The following ELAVL4 variants were observed in gnomAD, a reference collection of about 807,000 sequenced individuals.
ELAVL4 encodes ELAV like RNA binding protein 4.
ELAVL4 carries 1 observed loss-of-function variant against 35.6 expected under a neutral mutation model. The observed-to-expected ratio is 0.03, with a 90% CI of 0.01 to 0.13. The LOEUF (loss-of-function observed/expected upper bound fraction) is 0.13, where lower values mean the gene tolerates loss of function less well. Among genes scored for constraint, ELAVL4 ranks in the 10% least tolerant of loss-of-function variants. ELAVL4 has a pLI of 1.00. For synonymous variants in ELAVL4, 156 were observed against 171.0 expected (o/e 0.91, Z 0.69); for missense variants, 267 against 464.9 (o/e 0.57, Z 3.91).
chr1:50,172,049 AG>A (rs761721778), intron 2 of ELAVL4, among the ~76,000 whole-genome samples: 1 of 152,170 alleles, frequency 6.6e-6, no homozygotes, highest in Non-Finnish European at 1.5e-5. Context: ...TTTGTAGATG[AG>A]GGGAGTAACT....
At chr1:50,120,064 T>C (rs867975405) in intron 1 of ELAVL4, among the ~76,000 whole-genome samples, 37 of 151,290 alleles carry the variant, frequency 2.4e-4, no homozygotes, top group Middle Eastern at 3.4e-3. Flanking sequence ...TCAACAAATA[T>C]ATATATATAT....
chr1:50,178,535 C>T (rs1008068755), intron 3 of ELAVL4, among the ~76,000 whole-genome samples: 19 of 152,206 alleles, frequency 1.2e-4, no homozygotes, highest in African/African-American at 4.3e-4. Context: ...TCCCTGATCT[C>T]ATACAGCCTG....
intron 1 of ELAVL4, among the ~76,000 whole-genome samples, chr1:50,080,751 C>A (rs117965580): frequency 6.6e-6 from 1 of 152,168 alleles, no homozygotes; most frequent in African/African-American, 2.4e-5. Flanking sequence ...CTCCACTGGA[C>A]AGCCTTCCCT....
At chr1:50,116,397 TGTGTGTGTGTGTGTGC>T (rs1667948563) in intron 1 of ELAVL4, among the ~76,000 whole-genome samples, 1 of 107,214 alleles carries the variant, frequency 9.3e-6, no homozygotes, top group African/African-American at 5.2e-5. Context: ...AATACTGTGG[TGTGTGTGTGTGTGTGC>T]GTGTGTGTGT....
intron 1 of ELAVL4, among the ~76,000 whole-genome samples, chr1:50,066,812 G>A (rs1425330033): frequency 2.0e-5 from 3 of 152,058 alleles, no homozygotes; most frequent in African/African-American, 7.2e-5. Context: ...AGGTCAGTAG[G>A]TAGGGTCCTG....
chr1:50,138,933 G>A (rs1308073989), intron 1 of ELAVL4, among the ~76,000 whole-genome samples: 2 of 152,076 alleles, frequency 1.3e-5, no homozygotes, highest in African/African-American at 4.8e-5. Flanking sequence ...CAATATGAAG[G>A]TACTTAATGC....
At position 50,109,015 on chromosome 1, in the gene ELAVL4, T is replaced by TGGGGGGG; in HGVS notation, c.-175_-174insGGGGGGG. 1 of 961,064 alleles carries TGGGGGGG rather than the reference T, an allele frequency of 1.0e-6. No homozygotes were observed. Among genetic ancestry groups the TGGGGGGG allele is most frequent in the Non-Finnish European group, 1.2e-6 (1 of 816,944 alleles). The allele number at this position is 961,064 out of a possible 1,614,324, so 59.5% of individuals were successfully genotyped here. A position where few individuals can be genotyped will look rare whatever the true frequency, so the allele number is the denominator to read the frequency against. Reference sequence around the variant, plus strand: ...GCTCCTTTTCTTTTTTTTCTTTCTCTCCCCCGCCCACCCCCCCAAAAATAA... The same window carrying TGGGGGGG: ...GCTCCTTTTCTTTTTTTTCTTTCTCTGGGGGGGCCCCCGCCCACCCCCCCAAAAATAA... On this transcript the variant is annotated 5_prime_UTR_variant, in exon 1 of 7. Transcript: ENST00000371824.
chr1:50,160,898 G>A (rs1034255988), intron 2 of ELAVL4, among the ~76,000 whole-genome samples: 1 of 152,156 alleles, frequency 6.6e-6, no homozygotes, highest in African/African-American at 2.4e-5. Flanking sequence ...TTGTAAGAAT[G>A]GTGTCTGGTG....
intron 1 of ELAVL4, among the ~76,000 whole-genome samples, chr1:50,091,313 C>T (rs574836092): frequency 6.6e-6 from 1 of 152,174 alleles, no homozygotes; most frequent in Non-Finnish European, 1.5e-5. Flanking sequence ...CTGGCAGCGT[C>T]TTACTAAAAT....
rs146511731 is a variant in ELAVL4, at chr1:50,130,725, A to G, written c.10-14232A>G. ...GGCAGGAACTCTTTCTCTCTCCTTCATATCTCTGGCATTCAACATAATGGT... is the reference window on the plus strand; with the variant it reads ...GGCAGGAACTCTTTCTCTCTCCTTCGTATCTCTGGCATTCAACATAATGGT... On this transcript the variant is annotated intron_variant, in intron 1 of 6. Transcript: ENST00000371824. Among the ~76,000 whole-genome samples, 492 of 152,200 alleles carry G rather than the reference A, an allele frequency of 3.2e-3. 7 individuals are homozygous for G. The highest frequency in any genetic ancestry group is 0.011 in the African/African-American group (469 of 41,544).
At chr1:50,083,078 A>T (rs1665082642) in intron 1 of ELAVL4, among the ~76,000 whole-genome samples, 1 of 152,042 alleles carries the variant, frequency 6.6e-6, no homozygotes, top group Admixed American at 6.6e-5. Context: ...TTTTTTTAAG[A>T]TATGGAGTCT....
At chr1:50,162,346 T>C (rs981375468) in intron 2 of ELAVL4, among the ~76,000 whole-genome samples, 1 of 152,202 alleles carries the variant, frequency 6.6e-6, no homozygotes, top group African/African-American at 2.4e-5. Flanking sequence ...TGGGTCATAA[T>C]AAGACTCACG....
chr1:50,165,941 A>G (rs2148783767), intron 2 of ELAVL4, among the ~76,000 whole-genome samples: 1 of 152,030 alleles, frequency 6.6e-6, no homozygotes, highest in South Asian at 2.1e-4. Context: ...CGAGTTCCCA[A>G]ACAGAAGAAC....
intron 1 of ELAVL4, among the ~76,000 whole-genome samples, chr1:50,076,481 G>A (rs866482003): frequency 6.6e-6 from 1 of 152,262 alleles, no homozygotes; most frequent in Middle Eastern, 3.4e-3. Flanking sequence ...ATGTATGTAT[G>A]TATACAAAAA....
chr1:50,178,178 T>C (rs914620993), intron 3 of ELAVL4, among the ~76,000 whole-genome samples: 3 of 152,160 alleles, frequency 2.0e-5, no homozygotes, highest in Non-Finnish European at 4.4e-5. Context: ...TCATAGCCTA[T>C]TAAACTGCAG....
intron 3 of ELAVL4, among the ~76,000 whole-genome samples, chr1:50,190,992 T>G (rs544756029): frequency 1.3e-5 from 2 of 152,334 alleles, no homozygotes; most frequent in East Asian, 3.9e-4. Context: ...TTTTAACCTT[T>G]GATTAATCTC....
chr1:50,177,009 C>T (rs757379343), intron 2 of ELAVL4, 80 bp from the exon 3 acceptor site: 2 of 1,194,220 alleles, frequency 1.7e-6, no homozygotes, highest in Admixed American at 1.9e-5. Context: ...TATAAAGATA[C>T]TGAGCATGCT....
chr1:50,116,709 C>A (rs1668020288), intron 1 of ELAVL4, among the ~76,000 whole-genome samples: 1 of 152,018 alleles, frequency 6.6e-6, no homozygotes, highest in South Asian at 2.1e-4. Context: ...AACTTGCCAT[C>A]TTTACTAATG....
rs113938507 is a variant in ELAVL4, at chr1:50,076,995, C to T, written c.18+28813C>T. 2.3e-3 allele frequency among the ~76,000 whole-genome samples: 353 copies of T among 152,050 alleles called. 5 individuals carry two copies. Among genetic ancestry groups the T allele is most frequent in the African/African-American group, 8.0e-3 (332 of 41,474 alleles). The stretch of plus-strand genomic sequence containing the variant: ...ACTTCCTATTATATTTGTCAAAAAT[C>T]TCCAGAGAAACAAAGTAAATGGGAT... On this transcript the variant is annotated intron_variant, in intron 1 of 6. Coordinates refer to the ELAVL4 transcript ENST00000448907.
Sources: allele counts gnomAD v4.1 joint callset (sites outside exome capture counted in the v4.1 genomes callset), GRCh38; gene constraint gnomAD v4.1.1; transcripts MANE v1.5; gene names NCBI Gene and HGNC (gene_info 2026-07-23, HGNC 2026-07-21).